The following CRB1 variants were observed in gnomAD, a reference collection of about 807,000 sequenced individuals.
The protein encoded by CRB1 is protein crumbs homolog 1.
Under a neutral mutation model 120.0 loss-of-function variants are expected in CRB1, and 83 were observed. The ratio of observed to expected loss-of-function variants is 0.69; its 90% CI spans 0.58 to 0.83. The LOEUF (loss-of-function observed/expected upper bound fraction) is 0.83. Ranked by LOEUF, CRB1 falls within the 40% of genes least tolerant of loss-of-function variation. The probability of loss-of-function intolerance (pLI) is 0.00; values close to 1 mark genes in which losing one functional copy is unlikely to be tolerated. For synonymous variants in CRB1, 625 were observed against 612.5 expected (o/e 1.02, Z -0.30); for missense variants, 1,699 against 1,687.6 (o/e 1.01, Z -0.12).
chr1:197,414,702 G>A (rs983724090), intron 5 of CRB1, among the ~76,000 whole-genome samples: 8 of 152,132 alleles, frequency 5.3e-5, no homozygotes, highest in African/African-American at 1.9e-4. Context: ...AAGACTGAAT[G>A]GCCCCAATGG....
In CRB1 at chr1:197,289,223, A is replaced by C. The variant is rs886562862; in HGVS notation, c.70+20741A>C. Among the ~76,000 whole-genome samples the C allele has an allele frequency of 7.9e-5, 12 of 151,852 alleles. No homozygotes were observed. The South Asian group carries it at 8.3e-4, about 11-fold the overall frequency. Reference sequence around the variant, plus strand: ...ATTTTCTTTCTTAATTATATCTCTTACTTTTCTCTCATTCTGTCAATAAGC... The same window carrying C: ...ATTTTCTTTCTTAATTATATCTCTTCCTTTTCTCTCATTCTGTCAATAAGC... On this transcript the variant is annotated intron_variant, in intron 1 of 11. Transcript: ENST00000367400.
chr1:197,459,926 C>T (rs1312568404), intron 11 of CRB1, among the ~76,000 whole-genome samples: 1 of 147,892 alleles, frequency 6.8e-6, no homozygotes, highest in African/African-American at 2.5e-5. Flanking sequence ...ATCTTCAGTC[C>T]AATTTTTGAT....
intron 1 of CRB1, among the ~76,000 whole-genome samples, chr1:197,327,142 A>G (rs1658564485): frequency 6.7e-6 from 1 of 149,810 alleles, no homozygotes. Flanking sequence ...ACAGAAACCA[A>G]GGCTGGGAGA....
chr1:197,460,349 T>C (rs1666474200), intron 11 of CRB1, among the ~76,000 whole-genome samples: 1 of 152,082 alleles, frequency 6.6e-6, no homozygotes, highest in Non-Finnish European at 1.5e-5. Flanking sequence ...TGAGCAGTGG[T>C]TGGTTTGAAC....
At chr1:197,390,827 T>C (rs1662469475) in intron 5 of CRB1, among the ~76,000 whole-genome samples, 1 of 152,082 alleles carries the variant, frequency 6.6e-6, no homozygotes, top group African/African-American at 2.4e-5. Flanking sequence ...TGATCTCTTT[T>C]TAGGTAGAGA....
rs374786358 is a variant in CRB1 at position 197,435,169 on chromosome 1, C to T, written c.3306C>T (p.Ile1102=). Reference sequence around the variant, plus strand: ...AAGGGTGTCTAAGTACAATAGAAATCGGAGGCATTTATCTCTCTTACTTTG... The same window carrying T: ...AAGGGTGTCTAAGTACAATAGAAATTGGAGGCATTTATCTCTCTTACTTTG... ...GLQGCLSTIE[I]GGIYLSYFEN... is the part of the protein sequence containing the mutation. Residue 1102 remains isoleucine (I), a synonymous_variant, in exon 9 of 12, where the codon ATC becomes ATT. Transcript: ENST00000367400. 46 of 1,613,856 alleles carry T rather than the reference C, an allele frequency of 2.9e-5. No homozygotes were observed. Among genetic ancestry groups the T allele is most frequent in the African/African-American group, 2.1e-4 (16 of 75,008 alleles).
At chr1:197,245,520 A>C in the CRB1 span, among the ~76,000 whole-genome samples, 113 of 152,246 alleles carry the variant, frequency 7.4e-4, 2 homozygotes, top group East Asian at 0.021. Context: ...AAAACAAAAA[A>C]GACAGATATT....
At chr1:197,340,316 A>T (rs555905117) in intron 2 of CRB1, among the ~76,000 whole-genome samples, 8 of 152,284 alleles carry the variant, frequency 5.3e-5, no homozygotes, top group African/African-American at 1.9e-4. Flanking sequence ...GAGTCTTGAG[A>T]TACAGTGGAG....
intron 11 of CRB1, among the ~76,000 whole-genome samples, chr1:197,455,274 C>A (rs189873755): frequency 6.6e-6 from 1 of 152,014 alleles, no homozygotes; most frequent in African/African-American, 2.4e-5. Context: ...TGTTCCAAAC[C>A]AATTAACTGA....
intron 7 of CRB1, chr1:197,429,118 C>T: frequency 6.5e-7 from 1 of 1,528,112 alleles, no homozygotes; most frequent in Non-Finnish European, 8.8e-7. Context: ...AGTAAGAATC[C>T]CTTCCTCAAA....
chr1:197,392,784 T>C (rs904477089), intron 5 of CRB1, among the ~76,000 whole-genome samples: 8 of 152,118 alleles, frequency 5.3e-5, no homozygotes, highest in African/African-American at 1.9e-4. Flanking sequence ...TCACCAGATC[T>C]TCAGTGGACT....
At chr1:197,303,649 C>G (rs992216834) in intron 1 of CRB1, among the ~76,000 whole-genome samples, 5 of 152,044 alleles carry the variant, frequency 3.3e-5, no homozygotes, top group African/African-American at 1.2e-4. Flanking sequence ...CTTGTCCTAG[C>G]TAGATTGATG....
At chr1:197,279,494 CA>C (rs1655401552) in intron 1 of CRB1, among the ~76,000 whole-genome samples, 2 of 150,420 alleles carry the variant, frequency 1.3e-5, no homozygotes, top group African/African-American at 2.4e-5. Flanking sequence ...GCTTTCTCTT[CA>C]CTAACCTCAT....
intron 11 of CRB1, among the ~76,000 whole-genome samples, chr1:197,469,796 T>A (rs1666903078): frequency 6.6e-6 from 1 of 152,154 alleles, no homozygotes; most frequent in Non-Finnish European, 1.5e-5. Context: ...TTGTTTTTAA[T>A]CCTCACTAGC....
At chr1:197,352,838 G>A (rs1394969697) in intron 4 of CRB1, among the ~76,000 whole-genome samples, 2 of 152,044 alleles carry the variant, frequency 1.3e-5, no homozygotes, top group African/African-American at 4.8e-5. Flanking sequence ...TCATTTAGGT[G>A]TTTATTAAAA....
chr1:197,252,582 ATGTGTG>A, the CRB1 span, among the ~76,000 whole-genome samples: 200 of 15,410 alleles, frequency 0.013, 2 homozygotes, highest in South Asian at 0.021. Flanking sequence ...ATATATATAT[ATGTGTG>A]TGTGTGTGTG....
chr1:197,452,081 T>G (rs1010418070), intron 11 of CRB1, among the ~76,000 whole-genome samples: 1 of 152,228 alleles, frequency 6.6e-6, no homozygotes, highest in East Asian at 1.9e-4. Context: ...TCGGGAATCA[T>G]CTAATCCAAC....
chr1:197,353,988 T>C (rs553852454), intron 4 of CRB1, among the ~76,000 whole-genome samples: 1 of 126,936 alleles, frequency 7.9e-6, no homozygotes, highest in African/African-American at 3.0e-5. Context: ...GAAAACAACC[T>C]AATGAAAAAA....
intron 5 of CRB1, among the ~76,000 whole-genome samples, chr1:197,399,814 A>G (rs1662970755): frequency 6.6e-6 from 1 of 151,854 alleles, no homozygotes; most frequent in South Asian, 2.1e-4. Flanking sequence ...GGGTGGTTAG[A>G]CTGAGGATCT....
Sources: allele counts gnomAD v4.1 joint callset (sites outside exome capture counted in the v4.1 genomes callset), GRCh38; gene constraint gnomAD v4.1.1; transcripts MANE v1.5; gene names NCBI Gene and HGNC (gene_info 2026-07-23, HGNC 2026-07-21).